Variants in MOB3B observed in about 807,000 individuals in gnomAD.
MOB3B encodes MOB kinase activator-like 2B.
Under a neutral mutation model 18.7 loss-of-function variants are expected in MOB3B, and 7 were observed. The ratio of observed to expected loss-of-function variants is 0.37; its 90% CI spans 0.21 to 0.70. The LOEUF (loss-of-function observed/expected upper bound fraction) is 0.70. Ranked by LOEUF, MOB3B falls within the 30% of genes least tolerant of loss-of-function variation. The probability of loss-of-function intolerance (pLI) is 0.52; values close to 1 mark genes in which losing one functional copy is unlikely to be tolerated. For missense variants in MOB3B, 253 were observed against 281.3 expected, an observed-to-expected ratio of 0.90 and a Z score of 0.72; for synonymous variants, 111 against 99.9, an observed-to-expected ratio of 1.11 and a Z score of -0.66.
intron 1 of MOB3B, among the ~76,000 whole-genome samples, chr9:27,517,175 C>T (rs1013541016): frequency 1.3e-5 from 2 of 152,128 alleles, no homozygotes; most frequent in Non-Finnish European, 2.9e-5. Flanking sequence ...TCAACTCTTG[C>T]CTTTTAAGAT....
rs745531879 is a variant in MOB3B, at chr9:27,455,327, T to C, written c.224A>G (p.Tyr75Cys). The C allele has an allele frequency of 1.9e-6, 3 of 1,614,052 alleles. No individual in the cohort carries two copies. The highest frequency in any genetic ancestry group is 2.5e-6 in the Non-Finnish European group (3 of 1,180,008). Residue 75 changes from tyrosine to cysteine, a missense_variant, in exon 2 of 4, where the codon TAT (tyrosine) becomes TGT (cysteine). By Grantham distance (194) the Tyr-to-Cys change is radical. Coordinates refer to ENST00000262244, the MANE Select transcript of MOB3B (RefSeq NM_024761.5). ...GGTGCAGAACTCACAGATGGTGCCA[T>C]AGATGAGGTTGATCCGATTGAAGAA... is the stretch of plus-strand genomic sequence containing the variant. ...VDFFNRINLI[Y>C]GTICEFCTER...
intron 3 of MOB3B, among the ~76,000 whole-genome samples, chr9:27,357,149 T>TATATATATA (rs1338116205): frequency 2.3e-5 from 1 of 44,386 alleles, no homozygotes; most frequent in African/African-American, 7.6e-5. Flanking sequence ...TATATATGTG[T>TATATATATA]TTTTTTTTTT....
chr9:27,448,604 TC>T (rs1822732834), intron 2 of MOB3B, among the ~76,000 whole-genome samples: 1 of 152,170 alleles, frequency 6.6e-6, no homozygotes, highest in Non-Finnish European at 1.5e-5. Flanking sequence ...ACTGGGTCCC[TC>T]CCACCATGCG....
In MOB3B at chr9:27,435,195, T is replaced by A. The variant is rs191435598; in HGVS notation, c.418+19938A>T. Among the ~76,000 whole-genome samples, 7 of 152,122 alleles carry A rather than the reference T, an allele frequency of 4.6e-5. No individual in the cohort carries two copies. In the East Asian group the frequency reaches 1.4e-3, roughly 30 times the overall value. On this transcript the variant is annotated intron_variant, in intron 2 of 3. Coordinates refer to ENST00000262244, the MANE Select transcript of MOB3B (RefSeq NM_024761.5). ...TTCTCTTTTCCTGGCCATTTTCCCA[T>A]AACCAGAGTTTCCCCACACTCCTTT... is the stretch of plus-strand genomic sequence containing the variant.
At chr9:27,370,991 A>G (rs1402564898) in intron 2 of MOB3B, among the ~76,000 whole-genome samples, 1 of 152,228 alleles carries the variant, frequency 6.6e-6, no homozygotes, top group Non-Finnish European at 1.5e-5. Flanking sequence ...CACACCTTGC[A>G]GATCTCGGAG....
At chr9:27,472,610 C>A (rs1483520660) in intron 1 of MOB3B, among the ~76,000 whole-genome samples, 1 of 149,492 alleles carries the variant, frequency 6.7e-6, no homozygotes, top group African/African-American at 2.5e-5. Flanking sequence ...AGTATCAGCC[C>A]AGCAAGAGAC....
chr9:27,488,288 C>A (rs75060379), intron 1 of MOB3B, among the ~76,000 whole-genome samples: 93 of 152,342 alleles, frequency 6.1e-4, no homozygotes, highest in African/African-American at 2.1e-3. Flanking sequence ...AACGGTAACT[C>A]AGAACTCCAA....
At chr9:27,405,369 G>T (rs1821951619) in intron 2 of MOB3B, among the ~76,000 whole-genome samples, 1 of 152,030 alleles carries the variant, frequency 6.6e-6, no homozygotes, top group South Asian at 2.1e-4. Context: ...GCCTCCCAAA[G>T]TGCTGAGATT....
At chr9:27,524,211 C>A in intron 1 of MOB3B, 168 of 483,402 alleles carry the variant, frequency 3.5e-4, no homozygotes, top group Non-Finnish European at 4.4e-4. Context: ...CCTTGGTTAA[C>A]TGTGAAATGA....
intron 3 of MOB3B, among the ~76,000 whole-genome samples, chr9:27,352,984 A>G (rs999038983): frequency 6.6e-5 from 10 of 152,164 alleles, no homozygotes; most frequent in African/African-American, 2.4e-4. Flanking sequence ...GTTTTCACTG[A>G]CCATCACTCA....
intron 1 of MOB3B, among the ~76,000 whole-genome samples, chr9:27,486,012 A>G (rs1360406388): frequency 2.0e-5 from 3 of 152,150 alleles, no homozygotes; most frequent in Non-Finnish European, 4.4e-5. Context: ...GAAAGATATA[A>G]CTCTTCTCTT....
In MOB3B at chr9:27,420,548, CATATATATATATATATATATAT is replaced by C. The variant is rs55684272; in HGVS notation, c.418+34563_418+34584del. 6.2e-3 allele frequency among the ~76,000 whole-genome samples: 194 copies of C among 31,082 alleles called. 1 individual carries two copies. Among genetic ancestry groups the C allele is most frequent in the East Asian group, 0.049 (55 of 1,134 alleles). The allele number at this position is 31,082 out of a possible 152,430, so 20.4% of individuals were successfully genotyped here. A position where few individuals can be genotyped will look rare whatever the true frequency, so the allele number is the denominator to read the frequency against. On this transcript the variant is annotated intron_variant, in intron 2 of 3. Transcript: ENST00000262244. ...ATCTATATATTCCATCTGTATATTCCATATATATATATATATATATATATATATATATATATATATATATATA... is the reference window on the plus strand; with the variant it reads ...ATCTATATATTCCATCTGTATATTCCATATATATATATATATATATATATA...
chr9:27,419,889 C>T (rs550347987), intron 2 of MOB3B, among the ~76,000 whole-genome samples: 16 of 152,206 alleles, frequency 1.1e-4, no homozygotes, highest in African/African-American at 3.9e-4. Context: ...GGGAGAAAAT[C>T]TTCACAATCT....
At chr9:27,400,538 G>T (rs1194958343) in intron 2 of MOB3B, among the ~76,000 whole-genome samples, 1 of 152,168 alleles carries the variant, frequency 6.6e-6, no homozygotes, top group Non-Finnish European at 1.5e-5. Context: ...AATGTCCTCA[G>T]GTGAAATTGA....
chr9:27,381,685 T>A (rs775262543), intron 2 of MOB3B, among the ~76,000 whole-genome samples: 1 of 152,154 alleles, frequency 6.6e-6, no homozygotes, highest in Non-Finnish European at 1.5e-5. Context: ...CTCACTCTGT[T>A]GTCCAGGCTG....
At chr9:27,446,686 C>G (rs1384924698) in intron 2 of MOB3B, among the ~76,000 whole-genome samples, 1 of 152,170 alleles carries the variant, frequency 6.6e-6, no homozygotes, top group Non-Finnish European at 1.5e-5. Flanking sequence ...GCTTACTGCT[C>G]TATGTCCTAG....
intron 3 of MOB3B, among the ~76,000 whole-genome samples, chr9:27,338,885 GA>G (rs1820901240): frequency 2.0e-5 from 3 of 152,226 alleles, no homozygotes; most frequent in African/African-American, 7.2e-5. Flanking sequence ...GACTCCGGTG[GA>G]CAGGCAGGTA....
intron 1 of MOB3B, among the ~76,000 whole-genome samples, chr9:27,527,978 A>G (rs1587282773): frequency 6.6e-6 from 1 of 152,192 alleles, no homozygotes; most frequent in South Asian, 2.1e-4. Context: ...ATCCTAAGCC[A>G]CTTGTTCTCT....
intron 1 of MOB3B, among the ~76,000 whole-genome samples, chr9:27,487,316 T>C (rs557870567): frequency 5.3e-5 from 8 of 152,108 alleles, no homozygotes; most frequent in African/African-American, 1.7e-4. Context: ...CTGACTAGCA[T>C]AGTAAAGACA....
Sources: gnomAD v4.1 joint callset for allele counts (sites outside exome capture counted in the v4.1 genomes callset) on GRCh38, gnomAD v4.1.1 for gene constraint, MANE v1.5 for transcripts, NCBI Gene and HGNC (gene_info 2026-07-23, HGNC 2026-07-21) for gene names.